Variants in OAS2 observed in about 807,000 individuals in gnomAD.
OAS2 encodes the protein 2'-5'-oligoadenylate synthase 2.
Under a neutral mutation model 71.3 loss-of-function variants are expected in OAS2, and 67 were observed. The ratio of observed to expected loss-of-function variants is 0.94; its 90% confidence interval spans 0.77 to 1.15. OAS2 has a LOEUF of 1.15. Among genes scored for constraint, OAS2 ranks in the 50% most tolerant of loss-of-function variants. OAS2 has a pLI of 0.00. For synonymous variants in OAS2, 327 were observed against 321.8 expected (o/e 1.02, Z -0.17); for missense variants, 789 against 822.5 (o/e 0.96, Z 0.50).
At chr12:112,982,302 T>C (rs1439784179) in intron 1 of OAS2, among the ~76,000 whole-genome samples, 5 of 152,196 alleles carry the variant, frequency 3.3e-5, no homozygotes, top group Non-Finnish European at 7.4e-5. Flanking sequence ...ATGTTAACTG[T>C]GGGTTTGTCA....
chr12:112,997,853 G>C, intron 4 of OAS2, 98 bp downstream of exon 4: 1 of 1,023,358 alleles, frequency 9.8e-7, no homozygotes, highest in Non-Finnish European at 1.4e-6. Context: ...TCAAGCCAGT[G>C]CTGGACCAGA....
intron 8 of OAS2, 145 bp from the exon 9 acceptor site, chr12:113,007,560 A>T (rs2044345158): frequency 1.4e-6 from 1 of 708,458 alleles, no homozygotes; most frequent in Non-Finnish European, 2.5e-6. Context: ...GGACTCCTGT[A>T]GGCTGTACAA....
intron 9 of OAS2, among the ~76,000 whole-genome samples, chr12:113,008,185 G>A (rs1260070033): frequency 3.3e-5 from 5 of 152,210 alleles, no homozygotes; most frequent in Admixed American, 3.3e-4. Flanking sequence ...TTTCATCTAA[G>A]AGGTGTTAGA....
intron 5 of OAS2, among the ~76,000 whole-genome samples, chr12:112,999,184 C>T (rs896499201): frequency 3.3e-5 from 5 of 152,144 alleles, no homozygotes; most frequent in Non-Finnish European, 4.4e-5. Flanking sequence ...GTCAGAAGTG[C>T]GGCCGAAACA....
intron 1 of OAS2, among the ~76,000 whole-genome samples, chr12:112,983,608 T>C (rs1837958077): frequency 6.6e-6 from 1 of 152,244 alleles, no homozygotes; most frequent in Non-Finnish European, 1.5e-5. Flanking sequence ...AAGCATGTAT[T>C]GCTTCAAACT....
intron 9 of OAS2, 49 bp downstream of exon 9, chr12:113,007,992 A>G (rs1358152378): frequency 7.5e-7 from 1 of 1,330,850 alleles, no homozygotes; most frequent in East Asian, 2.3e-5. Flanking sequence ...TCCCTTGAAC[A>G]CTGTCTCAGC....
At position 113,010,295 on chromosome 12, in the gene OAS2, C is replaced by G. The variant is rs1177157638; in HGVS notation, c.*1040C>G. ...TTACCTTCCCAGATACAGGTCCCCC[C>G]TTTTTTCCCCTAACTCTTTTAAGCA... On this transcript the variant is annotated 3_prime_UTR_variant, in exon 10 of 10. Transcript: ENST00000392583. 2 of 1,509,252 alleles carry G rather than the reference C, an allele frequency of 1.3e-6. No homozygotes were observed. The highest frequency in any genetic ancestry group is 2.8e-5 in the African/African-American group (2 of 70,784). The allele number at this position is 1,509,252 out of a possible 1,614,324, so 93.5% of individuals were successfully genotyped here. A position where few individuals can be genotyped will look rare whatever the true frequency, so the allele number is the denominator to read the frequency against.
chr12:113,003,197 A>G, intron 6 of OAS2, 95 bp downstream of exon 6: 1 of 1,306,402 alleles, frequency 7.7e-7, no homozygotes, highest in Non-Finnish European at 1.1e-6. Flanking sequence ...TCCAGGATCC[A>G]TCTACCTTCA....
chr12:113,004,893 G>T (rs1225307445), intron 6 of OAS2, 41 bp from the exon 7 acceptor site: 1 of 1,604,434 alleles, frequency 6.2e-7, no homozygotes, highest in Admixed American at 1.7e-5. Flanking sequence ...GGACTCCTCG[G>T]TTAAGGAAAT....
chr12:112,990,231 G>A (rs545046925), intron 2 of OAS2, among the ~76,000 whole-genome samples: 12 of 152,332 alleles, frequency 7.9e-5, no homozygotes, highest in Admixed American at 2.0e-4. Flanking sequence ...TCCTGAGAAC[G>A]TGTGCCCCAG....
chr12:113,010,442 A>T lies in OAS2; in HGVS notation c.*1187A>T. On this transcript the variant is annotated 3_prime_UTR_variant, in exon 10 of 10. Coordinates refer to ENST00000392583, the MANE Select transcript of OAS2 (RefSeq NM_002535.3). ...TTGTCAATGAGATGTTCTCATCCAG[A>T]AGCCATAGAATCCTGAATAATAATT... The T allele has an allele frequency of 6.2e-7, 1 of 1,614,026 alleles. No individual in the cohort carries two copies. The highest frequency in any genetic ancestry group is 8.5e-7 in the Non-Finnish European group (1 of 1,179,952).
At chr12:113,003,226 G>A in intron 6 of OAS2, 124 bp downstream of exon 6, 1 of 1,047,560 alleles carries the variant, frequency 9.5e-7, no homozygotes, top group Non-Finnish European at 1.4e-6. Context: ...AGGAAGGGAA[G>A]CCAGGAGTTA....
intron 2 of OAS2, chr12:112,988,156 A>C (rs562025214): frequency 1.3e-5 from 13 of 983,202 alleles, no homozygotes; most frequent in Middle Eastern, 5.2e-4. Context: ...GGTGTCCTAA[A>C]AGTTCAGCCC....
At chr12:113,003,871 A>G (rs1464916865) in intron 6 of OAS2, among the ~76,000 whole-genome samples, 1 of 152,228 alleles carries the variant, frequency 6.6e-6, no homozygotes, top group African/African-American at 2.4e-5. Context: ...GGCCTGGGAA[A>G]TGGCACCAAT....
At chr12:113,002,605 A>G (rs2044298956) in intron 5 of OAS2, among the ~76,000 whole-genome samples, 1 of 152,206 alleles carries the variant, frequency 6.6e-6, no homozygotes, top group Non-Finnish European at 1.5e-5. Context: ...GTCATTAGGA[A>G]GTGATGCTCC....
intron 6 of OAS2, among the ~76,000 whole-genome samples, chr12:113,003,521 C>G (rs2044307206): frequency 6.6e-6 from 1 of 152,132 alleles, no homozygotes; most frequent in African/African-American, 2.4e-5. Flanking sequence ...TGCGAAGACC[C>G]TTTTTCCAAA....
At chr12:113,008,435 C>G (rs910837856) in intron 9 of OAS2, among the ~76,000 whole-genome samples, 1 of 152,082 alleles carries the variant, frequency 6.6e-6, no homozygotes, top group Non-Finnish European at 1.5e-5. Context: ...AGGAGACCCC[C>G]GGTGGGTTGC....
rs544870852 is a variant in OAS2 at position 112,982,338 on chromosome 12, A to G, written c.177+3553A>G. ...TATATGGACTTTATTATGTTGAGGT[A>G]TGTTCCTTACATGCCTAATTTGTTG... On this transcript the variant is annotated intron_variant, in intron 1 of 9. Coordinates refer to ENST00000392583, the MANE Select transcript of OAS2 (RefSeq NM_002535.3). Among the ~76,000 whole-genome samples the G allele has an allele frequency of 1.3e-4, 20 of 152,262 alleles. No homozygotes were observed. In the East Asian group the frequency reaches 3.9e-3, roughly 29 times the overall value.
In OAS2 at chr12:112,995,441, T is replaced by A; in HGVS notation, c.594T>A (p.Asp198Glu). ...ACAACCGTCCTGGAAAACTAAAGGA[T>A]TTGATCCTCTTGATAAAGCACTGGC... ...FFDNRPGKLK[D>E]LILLIKHWHQ... The change falls in exon 3 of 10, where the codon GAT becomes GAA. Residue 198 changes from aspartate to glutamate, a missense_variant. Asp to Glu is a conservative substitution (Grantham distance 45, BLOSUM62 2). Transcript: ENST00000392583. 6.2e-7 allele frequency: 1 copy of A among 1,614,090 alleles called. No homozygotes were observed. The highest frequency in any genetic ancestry group is 8.5e-7 in the Non-Finnish European group (1 of 1,179,996).
Sources: gnomAD v4.1 joint callset for allele counts (sites outside exome capture counted in the v4.1 genomes callset) on GRCh38, gnomAD v4.1.1 for gene constraint, MANE v1.5 for transcripts, NCBI Gene and HGNC (gene_info 2026-07-23, HGNC 2026-07-21) for gene names.